The following ERBB4 variants were observed in gnomAD, a reference collection of about 807,000 sequenced individuals.
ERBB4 encodes erb-b2 receptor tyrosine kinase 4.
Under a neutral mutation model 158.0 loss-of-function variants are expected in ERBB4, and 42 were observed. The observed-to-expected ratio is 0.27, with a 90% confidence interval of 0.21 to 0.34. The LOEUF (loss-of-function observed/expected upper bound fraction) is 0.34. Among genes scored for constraint, ERBB4 ranks in the 10% least tolerant of loss-of-function variants. ERBB4 has a pLI of 1.00. For missense variants in ERBB4, 1,333 were observed against 1,624.1 expected (o/e 0.82, Z 3.08); for synonymous variants, 583 against 558.7 (o/e 1.04, Z -0.61).
At chr2:211,611,600 T>C (rs1287358263) in intron 19 of ERBB4, among the ~76,000 whole-genome samples, 8 of 152,122 alleles carry the variant, frequency 5.3e-5, no homozygotes, top group Admixed American at 5.2e-4. Context: ...AAGAATTTCA[T>C]CTCACGACTG....
chr2:211,838,829 A>G (rs888367929), intron 3 of ERBB4, among the ~76,000 whole-genome samples: 10 of 152,152 alleles, frequency 6.6e-5, no homozygotes, highest in Non-Finnish European at 1.3e-4. Context: ...TTTAAGGTAC[A>G]GTGCAAACTG....
chr2:212,384,253 T>C (rs996842304), intron 1 of ERBB4, among the ~76,000 whole-genome samples: 4 of 151,690 alleles, frequency 2.6e-5, no homozygotes, highest in African/African-American at 9.7e-5. Context: ...ACAGTATTAT[T>C]GTAACACCTC....
intron 1 of ERBB4, among the ~76,000 whole-genome samples, chr2:212,431,306 T>TAAAAAAAAA (rs35419362): frequency 3.5e-5 from 3 of 86,876 alleles, no homozygotes; most frequent in African/African-American, 4.3e-5. Flanking sequence ...CTGCTCATAT[T>TAAAAAAAAA]AAAAAAAAAA....
chr2:212,216,296 TGTGA>T (rs749752154), intron 1 of ERBB4, among the ~76,000 whole-genome samples: 9 of 151,422 alleles, frequency 5.9e-5, no homozygotes, highest in Non-Finnish European at 1.3e-4. Context: ...TACGAATGTG[TGTGA>T]AAGATGTAAA....
intron 20 of ERBB4, among the ~76,000 whole-genome samples, chr2:211,486,252 C>T (rs1229396084): frequency 2.0e-5 from 3 of 152,048 alleles, no homozygotes; most frequent in Admixed American, 2.0e-4. Flanking sequence ...GCTCCCTTTT[C>T]GTTCCCAGGT....
At chr2:211,586,639 T>G (rs896377855) in intron 19 of ERBB4, among the ~76,000 whole-genome samples, 1 of 152,222 alleles carries the variant, frequency 6.6e-6, no homozygotes, top group East Asian at 1.9e-4. Flanking sequence ...ACATGGTGAC[T>G]GGAAATGTAG....
At chr2:211,892,711 G>A in intron 3 of ERBB4, among the ~76,000 whole-genome samples, 1 of 145,428 alleles carries the variant, frequency 6.9e-6, no homozygotes, top group Non-Finnish European at 1.5e-5. Flanking sequence ...CTTCAGCAAA[G>A]TCTCAGGATA....
At chr2:212,455,016 C>A (rs897466400) in intron 1 of ERBB4, among the ~76,000 whole-genome samples, 1 of 152,082 alleles carries the variant, frequency 6.6e-6, no homozygotes, top group African/African-American at 2.4e-5. Flanking sequence ...ATGTAATATT[C>A]ATTTAGCATG....
chr2:211,674,101 T>C (rs2071960495), intron 13 of ERBB4, among the ~76,000 whole-genome samples: 1 of 152,144 alleles, frequency 6.6e-6, no homozygotes. Context: ...ATCAGTCATC[T>C]ATAATATGTT....
intron 5 of ERBB4, among the ~76,000 whole-genome samples, chr2:211,726,558 T>C (rs62182986): frequency 0.22 from 34,022 of 152,130 alleles, 4,531 homozygotes; most frequent in Non-Finnish European, 0.31. Context: ...TATCCTCTTA[T>C]CATCACTTCT....
intron 1 of ERBB4, among the ~76,000 whole-genome samples, chr2:212,500,450 G>A (rs573681851): frequency 8.2e-4 from 124 of 152,106 alleles, no homozygotes; most frequent in Non-Finnish European, 1.3e-3. Flanking sequence ...ATTAGCCACC[G>A]TAAAATATTA....
intron 3 of ERBB4, among the ~76,000 whole-genome samples, chr2:211,937,705 T>C (rs1451434073): frequency 6.6e-6 from 1 of 152,026 alleles, no homozygotes; most frequent in Non-Finnish European, 1.5e-5. Context: ...CATCAGCTCT[T>C]GTGAGAACTA....
intron 1 of ERBB4, among the ~76,000 whole-genome samples, chr2:212,290,959 T>C (rs1236254837): frequency 6.6e-6 from 1 of 152,034 alleles, no homozygotes; most frequent in African/African-American, 2.4e-5. Context: ...GTAAAAAATA[T>C]TAATTTAGTT....
intron 1 of ERBB4, among the ~76,000 whole-genome samples, chr2:212,408,439 C>A (rs1347546415): frequency 6.6e-6 from 1 of 152,086 alleles, no homozygotes; most frequent in Non-Finnish European, 1.5e-5. Context: ...AATGGGTTCC[C>A]AAACATTGCC....
At chr2:212,362,125 T>G (rs1416418388) in intron 1 of ERBB4, among the ~76,000 whole-genome samples, 1 of 151,532 alleles carries the variant, frequency 6.6e-6, no homozygotes, top group Non-Finnish European at 1.5e-5. Context: ...TCTATAAAGA[T>G]TTTCTACTTT....
At chr2:211,963,526 A>C (rs1463538649) in intron 2 of ERBB4, among the ~76,000 whole-genome samples, 1 of 152,132 alleles carries the variant, frequency 6.6e-6, no homozygotes. Context: ...TATTTTTCTA[A>C]CCTGAATTTA....
At chr2:211,558,925 G>C (rs2125714770) in intron 20 of ERBB4, among the ~76,000 whole-genome samples, 1 of 152,244 alleles carries the variant, frequency 6.6e-6, no homozygotes, top group East Asian at 1.9e-4. Flanking sequence ...CAGTCTCAAG[G>C]TAATCCTTCA....
chr2:211,977,882 A>G (rs1460146104), intron 2 of ERBB4, among the ~76,000 whole-genome samples: 1 of 149,244 alleles, frequency 6.7e-6, no homozygotes, highest in Admixed American at 6.7e-5. Context: ...AAGCAACTTG[A>G]AAAGAGTACT....
chr2:212,287,880 A>G (rs1034717212), intron 1 of ERBB4, among the ~76,000 whole-genome samples: 11 of 152,148 alleles, frequency 7.2e-5, no homozygotes, highest in African/African-American at 2.7e-4. Flanking sequence ...ATAGAGGGCA[A>G]CAACACGCAC....
Sources: allele counts gnomAD v4.1 joint callset (sites outside exome capture counted in the v4.1 genomes callset), GRCh38; gene constraint gnomAD v4.1.1; transcripts MANE v1.5; gene names NCBI Gene and HGNC (gene_info 2026-07-23, HGNC 2026-07-21).